Variants in SKAP2 observed in about 807,000 individuals in gnomAD.
The protein encoded by SKAP2 is src kinase-associated phosphoprotein 2.
In SKAP2, 28 loss-of-function variants were observed where a neutral mutation model predicts 54.9. The ratio of observed to expected loss-of-function variants is 0.51; its 90% CI spans 0.38 to 0.70. The LOEUF is 0.70. Among genes scored for constraint, SKAP2 ranks in the 30% least tolerant of loss-of-function variants. The probability of loss-of-function intolerance (pLI) is 0.00; values close to 1 mark genes in which losing one functional copy is unlikely to be tolerated. For synonymous variants in SKAP2, 137 were observed against 134.3 expected (o/e 1.02, Z -0.14); for missense variants, 356 against 424.1 (o/e 0.84, Z 1.41).
At chr7:26,746,052 C>T (rs767755638) in intron 4 of SKAP2, among the ~76,000 whole-genome samples, 2 of 152,018 alleles carry the variant, frequency 1.3e-5, no homozygotes, top group South Asian at 2.1e-4. Context: ...GTCATAATAC[C>T]GATATAATCC....
intron 4 of SKAP2, among the ~76,000 whole-genome samples, chr7:26,812,434 C>T (rs3801835): frequency 0.29 from 44,703 of 151,626 alleles, 6,865 homozygotes; most frequent in Middle Eastern, 0.37. Flanking sequence ...TCTTAAATTA[C>T]GGAAATTCTC....
At chr7:26,659,245 C>T in the SKAP2 span, among the ~76,000 whole-genome samples, 1 of 152,138 alleles carries the variant, frequency 6.6e-6, no homozygotes, top group Non-Finnish European at 1.5e-5. Context: ...TACAATACTA[C>T]TGGCTTTATG....
intron 4 of SKAP2, among the ~76,000 whole-genome samples, chr7:26,836,044 C>G (rs556382736): frequency 1.3e-5 from 2 of 152,284 alleles, no homozygotes; most frequent in African/African-American, 4.8e-5. Context: ...TGCCACACAT[C>G]TACAACCATC....
At chr7:26,726,839 A>C in intron 7 of SKAP2, 43 bp downstream of exon 7, 1 of 1,525,356 alleles carries the variant, frequency 6.6e-7, no homozygotes. Flanking sequence ...TGAAATCAAA[A>C]CATTTTATCA....
chr7:26,790,825 A>T (rs1401448635), intron 4 of SKAP2, among the ~76,000 whole-genome samples: 1 of 152,196 alleles, frequency 6.6e-6, no homozygotes, highest in Non-Finnish European at 1.5e-5. Context: ...ATATATCAAG[A>T]GGACCTTAAA....
At chr7:26,768,544 C>T (rs915982679) in intron 4 of SKAP2, among the ~76,000 whole-genome samples, 1 of 152,142 alleles carries the variant, frequency 6.6e-6, no homozygotes, top group African/African-American at 2.4e-5. Context: ...GCAGTTTCTT[C>T]ATAGTGTCGA....
At chr7:26,657,086 A>T in the SKAP2 span, among the ~76,000 whole-genome samples, 1 of 152,228 alleles carries the variant, frequency 6.6e-6, no homozygotes, top group African/African-American at 2.4e-5. Context: ...TAATAATCAT[A>T]AAGAAATACC....
At chr7:26,682,090 G>A (rs564081655) in intron 11 of SKAP2, among the ~76,000 whole-genome samples, 2 of 152,128 alleles carry the variant, frequency 1.3e-5, no homozygotes, top group South Asian at 2.1e-4. Context: ...AACACACTGC[G>A]AGGCACCTAA....
chr7:26,864,342 C>A, intron 1 of SKAP2, 21 bp downstream of exon 1: 2 of 1,613,698 alleles, frequency 1.2e-6, no homozygotes, highest in Non-Finnish European at 8.5e-7. Flanking sequence ...ACAGCATTAT[C>A]GCCGCCTTCC....
At chr7:26,713,963 A>G (rs555291618) in intron 9 of SKAP2, among the ~76,000 whole-genome samples, 1 of 152,356 alleles carries the variant, frequency 6.6e-6, no homozygotes, top group East Asian at 1.9e-4. Flanking sequence ...GCAAAGGTGG[A>G]GACAGTTTCA....
intron 9 of SKAP2, among the ~76,000 whole-genome samples, chr7:26,704,526 A>G (rs1787115713): frequency 1.4e-4 from 22 of 152,242 alleles, no homozygotes; most frequent in Admixed American, 1.4e-3. Flanking sequence ...ATTTCCACGT[A>G]CCTATGAGTG....
chr7:26,695,965 C>T (rs922448596), intron 9 of SKAP2, among the ~76,000 whole-genome samples: 2 of 152,136 alleles, frequency 1.3e-5, no homozygotes, highest in African/African-American at 4.8e-5. Context: ...AGGATACATA[C>T]AAATGGAACC....
intron 9 of SKAP2, among the ~76,000 whole-genome samples, chr7:26,695,271 C>T (rs1786871053): frequency 6.6e-6 from 1 of 152,162 alleles, no homozygotes; most frequent in South Asian, 2.1e-4. Context: ...GGATTTAGAT[C>T]TCCACCTGTC....
rs79221061 is a variant in SKAP2 at position 26,799,962 on chromosome 7, CA to C, written c.307+44067del. On this transcript the variant is annotated intron_variant, in intron 4 of 12. Transcript: ENST00000345317. ...TGAAACCCTGTCTCTACTAAAAATA[CA>C]AAAAAAAAAAATTAGCCATTTGTGG... 1.4e-3 allele frequency among the ~76,000 whole-genome samples: 194 copies of C among 143,174 alleles called. 1 individual carries two copies. The highest frequency in any genetic ancestry group is 2.5e-3 in the African/African-American group (98 of 38,960). 93.9% of individuals were successfully genotyped at this position (143,174 alleles called of 152,430 possible).
At chr7:26,861,212 T>C (rs947130879) in intron 1 of SKAP2, among the ~76,000 whole-genome samples, 1 of 148,954 alleles carries the variant, frequency 6.7e-6, no homozygotes, top group Non-Finnish European at 1.5e-5. Flanking sequence ...TAGTTCCTCT[T>C]ACTTTCTTGC....
chr7:26,851,632 G>A (rs1185712347), intron 3 of SKAP2, among the ~76,000 whole-genome samples: 2 of 151,698 alleles, frequency 1.3e-5, no homozygotes, highest in Non-Finnish European at 2.9e-5. Context: ...GAGTTAATGG[G>A]TGCAGCACAC....
chr7:26,663,895 T>C (rs912284399), downstream of SKAP2, among the ~76,000 whole-genome samples: 3 of 152,130 alleles, frequency 2.0e-5, no homozygotes, highest in African/African-American at 7.2e-5. Flanking sequence ...AAGTTTCGTC[T>C]CCATTGCGGA....
chr7:26,864,437 A>G lies in SKAP2; in HGVS notation c.-8T>C. The G allele has an allele frequency of 6.2e-7, 1 of 1,600,066 alleles. No homozygotes were observed. Among genetic ancestry groups the G allele is most frequent in the East Asian group, 2.3e-5 (1 of 44,096 alleles). Reference sequence around the variant, plus strand: ...GCTGCTGGGGTTGGGCATGTTAGGGAGCGCAGGGCGTGCGGGGAAAGGACC... The same window carrying G: ...GCTGCTGGGGTTGGGCATGTTAGGGGGCGCAGGGCGTGCGGGGAAAGGACC... On this transcript the variant is annotated 5_prime_UTR_variant, in exon 1 of 13. Transcript: ENST00000345317.
chr7:26,727,832 G>A (rs1787740078), intron 6 of SKAP2, among the ~76,000 whole-genome samples: 1 of 152,080 alleles, frequency 6.6e-6, no homozygotes, highest in Admixed American at 6.6e-5. Flanking sequence ...ACACCATTTT[G>A]ATAGAAAAAC....
Sources: gnomAD v4.1 joint callset for allele counts (sites outside exome capture counted in the v4.1 genomes callset) on GRCh38, gnomAD v4.1.1 for gene constraint, MANE v1.5 for transcripts, NCBI Gene and HGNC (gene_info 2026-07-23, HGNC 2026-07-21) for gene names.